FBLN1: variants seen among roughly 807,000 people sequenced by gnomAD.
The protein encoded by FBLN1 is fibulin 1, also known as fibulin-1.
FBLN1 carries 34 observed loss-of-function variants against 89.7 expected under a neutral mutation model. That is an observed-to-expected ratio of 0.38 (90% CI 0.29 to 0.50). FBLN1 has a LOEUF of 0.50. Among genes scored for constraint, FBLN1 ranks in the 20% least tolerant of loss-of-function variants. The pLI is 0.92. For missense variants in FBLN1, 777 were observed against 988.1 expected, an observed-to-expected ratio of 0.79 and a Z score of 2.86; for synonymous variants, 393 against 391.3, an observed-to-expected ratio of 1.00 and a Z score of -0.05.
chr22:45,504,091 A>C (rs2087985585), intron 1 of FBLN1, among the ~76,000 whole-genome samples: 3 of 151,968 alleles, frequency 2.0e-5, no homozygotes, highest in Admixed American at 2.0e-4. Context: ...CACCCTCAGA[A>C]TCCGAGTCTT....
chr22:45,574,444 C>T lies in FBLN1; in HGVS notation c.1698-67C>T. 2 of 1,591,952 alleles carry T rather than the reference C, an allele frequency of 1.3e-6. No homozygotes were observed. The highest frequency in any genetic ancestry group is 1.7e-6 in the Non-Finnish European group (2 of 1,162,458). On this transcript the variant is annotated intron_variant, in intron 14 of 16. Coordinates refer to ENST00000327858, the MANE Select transcript of FBLN1 (RefSeq NM_006486.3). The surrounding 1 kb of genome is among the most constrained non-coding windows in gnomAD (Gnocchi z 4.1). ...TGGCCACCTGCTCCTCCTCCCTAGA[C>T]CTCGGCCCCTGTGGGAGCTGCTGTC...
chr22:45,592,813 T>A (rs960515074), intron 16 of FBLN1, among the ~76,000 whole-genome samples: 1 of 152,118 alleles, frequency 6.6e-6, no homozygotes, highest in Non-Finnish European at 1.5e-5. Flanking sequence ...GCCTCTCTGT[T>A]TCAGCACCTT....
chr22:45,589,619 G>A (rs2089118940), intron 16 of FBLN1, among the ~76,000 whole-genome samples: 1 of 152,100 alleles, frequency 6.6e-6, no homozygotes, highest in Non-Finnish European at 1.5e-5. Flanking sequence ...CAGGAGTAAA[G>A]GAGAAGAAAG....
rs921107702 is a variant in FBLN1, at chr22:45,561,810, G to C, written c.1697+11195G>C. Among the ~76,000 whole-genome samples, 2 of 152,168 alleles carry C rather than the reference G, an allele frequency of 1.3e-5. No individual in the cohort carries two copies. Among genetic ancestry groups the C allele is most frequent in the African/African-American group, 4.8e-5 (2 of 41,432 alleles). Reference sequence around the variant, plus strand: ...AGGCCATCTGAAGGCTGAGGAGCAAGGAGAGCCAGTCCGAGTCCCAAAACT... The same window carrying C: ...AGGCCATCTGAAGGCTGAGGAGCAACGAGAGCCAGTCCGAGTCCCAAAACT... On this transcript the variant is annotated intron_variant, in intron 14 of 16. Transcript: ENST00000327858. This position sits in a 1 kb window ranked among gnomAD's most constrained non-coding sequence, Gnocchi z 4.7.
intron 16 of FBLN1, among the ~76,000 whole-genome samples, chr22:45,593,293 C>G (rs1461588427): frequency 1.3e-5 from 2 of 152,010 alleles, no homozygotes; most frequent in Admixed American, 6.6e-5. Context: ...CAAGAGGCAG[C>G]GAAGGTCTCC....
intron 14 of FBLN1, among the ~76,000 whole-genome samples, chr22:45,567,713 C>T (rs1347543266): frequency 6.6e-6 from 1 of 152,002 alleles, no homozygotes; most frequent in Admixed American, 6.6e-5. Context: ...ACCCAGACAA[C>T]TAGATAGGAA....
At chr22:45,505,341 CG>C (rs2088004378) in intron 1 of FBLN1, among the ~76,000 whole-genome samples, 1 of 152,222 alleles carries the variant, frequency 6.6e-6, no homozygotes, top group Admixed American at 6.5e-5. Flanking sequence ...GGCTTGAAAA[CG>C]TGTGGTCTGT....
At chr22:45,533,297 G>A (rs1339163046) in intron 6 of FBLN1, 133 bp downstream of exon 6, 25 of 822,876 alleles carry the variant, frequency 3.0e-5, no homozygotes, top group Non-Finnish European at 4.5e-5. Flanking sequence ...CCCAGGACGC[G>A]CTTTCTCGTG....
intron 3 of FBLN1, 95 bp downstream of exon 3, chr22:45,525,773 C>T: frequency 6.7e-7 from 1 of 1,481,788 alleles, no homozygotes; most frequent in Non-Finnish European, 9.2e-7. Context: ...TCAGCGCTCC[C>T]TGCCTCAGGC....
rs1018159171 is a variant in FBLN1, at chr22:45,575,841, G to A, written c.1841-1136G>A. On this transcript the variant is annotated intron_variant, in intron 15 of 16. Coordinates refer to ENST00000327858, the MANE Select transcript of FBLN1 (RefSeq NM_006486.3). The surrounding 1 kb of genome is among the most constrained non-coding windows in gnomAD (Gnocchi z 6.3). ...GTGTGCCCGGTCCCCAACCACCCCCGCCCTCTAGGGAGTCCCTATCCCTGG... is the reference window on the plus strand; with the variant it reads ...GTGTGCCCGGTCCCCAACCACCCCCACCCTCTAGGGAGTCCCTATCCCTGG... 6.6e-6 allele frequency among the ~76,000 whole-genome samples: 1 copy of A among 152,112 alleles called. No homozygotes were observed. The highest frequency in any genetic ancestry group is 2.4e-5 in the African/African-American group (1 of 41,420).
rs2088983234 is a variant in FBLN1, at chr22:45,574,947, A to G, written c.1840+294A>G. Among the ~76,000 whole-genome samples the G allele has an allele frequency of 1.3e-5, 2 of 151,658 alleles. No homozygotes were observed. Among genetic ancestry groups the G allele is most frequent in the Non-Finnish European group, 2.9e-5 (2 of 67,896 alleles). ...CAGGCGCCCGCCACCACGCCTGGCT[A>G]ATCTTTTTGTATTTTTAGTAAAGAC... is the stretch of plus-strand genomic sequence containing the variant. On this transcript the variant is annotated intron_variant, in intron 15 of 16. Transcript: ENST00000327858. The surrounding 1 kb of genome is among the most constrained non-coding windows in gnomAD (Gnocchi z 4.1).
Position 45,597,250 on chromosome 22 carries a change from C to T in FBLN1, c.1973-3057C>T, listed in dbSNP as rs6007103. 0.011 allele frequency among the ~76,000 whole-genome samples: 1,675 copies of T among 152,296 alleles called. 31 individuals are homozygous for T. The highest frequency in any genetic ancestry group is 0.035 in the African/African-American group (1,448 of 41,560). On this transcript the variant is annotated intron_variant, in intron 16 of 16. Coordinates refer to ENST00000327858, the MANE Select transcript of FBLN1 (RefSeq NM_006486.3). This position sits in a 1 kb window ranked among gnomAD's most constrained non-coding sequence, Gnocchi z 4.2. Reference sequence around the variant, plus strand: ...ACTCATGGGCTTGTGATCTGCCCGCCTAAGCCTCCCAAAGTGCTGGGATTA... The same window carrying T: ...ACTCATGGGCTTGTGATCTGCCCGCTTAAGCCTCCCAAAGTGCTGGGATTA...
At chr22:45,506,730 T>C (rs1036319107) in intron 1 of FBLN1, among the ~76,000 whole-genome samples, 14 of 152,122 alleles carry the variant, frequency 9.2e-5, no homozygotes, top group Non-Finnish European at 1.9e-4. Flanking sequence ...TTCCTTCCAG[T>C]TCCACCCCCT....
intron 14 of FBLN1, among the ~76,000 whole-genome samples, chr22:45,555,579 GGA>G (rs772593990): frequency 5.3e-5 from 8 of 152,038 alleles, no homozygotes; most frequent in Non-Finnish European, 1.0e-4. Flanking sequence ...CCCAGATTAA[GGA>G]TGGATCTGCC....
intron 14 of FBLN1, among the ~76,000 whole-genome samples, chr22:45,570,846 AG>A (rs1331822512): frequency 3.3e-5 from 5 of 152,156 alleles, no homozygotes; most frequent in Admixed American, 6.5e-5. Flanking sequence ...AAAAGGAGGA[AG>A]GCCGGGTGTG....
chr22:45,582,057 G>T (rs866018051), intron 16 of FBLN1, among the ~76,000 whole-genome samples: 1 of 152,154 alleles, frequency 6.6e-6, no homozygotes, highest in African/African-American at 2.4e-5. Flanking sequence ...TGCGGTTGAG[G>T]TTGTACCCAC....
At chr22:45,596,974 A>G (rs1454796210) in intron 16 of FBLN1, among the ~76,000 whole-genome samples, 1 of 150,754 alleles carries the variant, frequency 6.6e-6, no homozygotes, top group African/African-American at 2.4e-5. Flanking sequence ...GAAACTATAT[A>G]ATATACAGAA....
intron 1 of FBLN1, among the ~76,000 whole-genome samples, chr22:45,511,149 CT>C (rs989577058): frequency 7.1e-6 from 1 of 140,460 alleles, no homozygotes; most frequent in African/African-American, 2.6e-5. Context: ...TCTCATCAAT[CT>C]TCCCCCATTT....
intron 14 of FBLN1, among the ~76,000 whole-genome samples, chr22:45,570,701 G>A (rs1412563284): frequency 2.0e-5 from 3 of 152,138 alleles, no homozygotes; most frequent in Non-Finnish European, 4.4e-5. Context: ...ATGATCTCAA[G>A]AAAACTTTCC....
Sources: gnomAD v4.1 joint callset for allele counts (sites outside exome capture counted in the v4.1 genomes callset) on GRCh38, gnomAD v4.1.1 for gene constraint, Gnocchi (gnomAD v3.1) non-coding constraint, MANE v1.5 for transcripts, NCBI Gene and HGNC (gene_info 2026-07-23, HGNC 2026-07-21) for gene names.